The following FRMPD4 variants were observed in gnomAD, a reference collection of about 807,000 sequenced individuals.
FRMPD4 encodes FERM and PDZ domain containing 4.
Under a neutral mutation model 94.1 loss-of-function variants are expected in FRMPD4, and 22 were observed. That is an observed-to-expected ratio of 0.23 (90% CI 0.17 to 0.33). The LOEUF is 0.33. Among genes scored for constraint, FRMPD4 ranks in the 10% least tolerant of loss-of-function variants. FRMPD4 has a pLI of 1.00. For synonymous variants in FRMPD4, 631 were observed against 548.6 expected (o/e 1.15, Z -2.10); for missense variants, 1,111 against 1,339.9 (o/e 0.83, Z 2.67).
intron 11 of FRMPD4, among the ~76,000 whole-genome samples, chrX:12,706,458 T>G (rs2041876283): frequency 9.0e-6 from 1 of 111,568 alleles, no homozygotes; most frequent in Non-Finnish European, 1.9e-5. Context: ...ACACCTCACC[T>G]TTGTCCCTAA....
intron 1 of FRMPD4, among the ~76,000 whole-genome samples, chrX:12,160,955 GTTAC>G (rs1025179634): frequency 1.8e-5 from 2 of 110,576 alleles, no homozygotes; most frequent in Non-Finnish European, 3.8e-5. Context: ...CATTAATATT[GTTAC>G]TTAATTCTAC....
intron 3 of FRMPD4, among the ~76,000 whole-genome samples, chrX:12,118,863 C>T (rs1031311282): frequency 2.7e-5 from 3 of 111,775 alleles, no homozygotes; most frequent in African/African-American, 9.8e-5. Context: ...TTCTCTTCGT[C>T]TCTTTGTCTG....
chrX:12,030,267 C>T (rs1022834674), intron 3 of FRMPD4, among the ~76,000 whole-genome samples: 2 of 111,988 alleles, frequency 1.8e-5, no homozygotes, highest in African/African-American at 6.5e-5. Context: ...TTTGTTGTTC[C>T]CTTCCAGTTC....
At chrX:11,933,617 ATGCTTCCACCATCAC>A (rs2054134075) in intron 3 of FRMPD4, among the ~76,000 whole-genome samples, 2 of 112,701 alleles carry the variant, frequency 1.8e-5, no homozygotes, top group South Asian at 7.3e-4. Flanking sequence ...TTGTTTCTCA[ATGCTTCCACCATCAC>A]TTCTATTTCA....
At chrX:12,193,063 C>A (rs554111579) in intron 1 of FRMPD4, among the ~76,000 whole-genome samples, 2 of 111,547 alleles carry the variant, frequency 1.8e-5, no homozygotes, top group South Asian at 7.6e-4. Flanking sequence ...TTTAAGGCAT[C>A]GGCAAAAATT....
At chrX:12,076,661 A>G (rs1339999257) in intron 3 of FRMPD4, among the ~76,000 whole-genome samples, 1 of 110,481 alleles carries the variant, frequency 9.1e-6, no homozygotes, top group African/African-American at 3.3e-5. Context: ...TCAAAAATCC[A>G]CAATTGAAGG....
intron 2 of FRMPD4, among the ~76,000 whole-genome samples, chrX:12,505,968 G>A (rs1202487090): frequency 8.9e-5 from 10 of 111,873 alleles, no homozygotes; most frequent in South Asian, 3.8e-4. Context: ...GTGAACACTC[G>A]GATCAATCTG....
intron 1 of FRMPD4, among the ~76,000 whole-genome samples, chrX:12,313,556 C>T (rs1238867193): frequency 8.9e-6 from 1 of 112,517 alleles, no homozygotes; most frequent in African/African-American, 3.2e-5. Flanking sequence ...GAGGAATGAG[C>T]AAATGGATAA....
At chrX:11,849,026 C>T (rs987229935) in intron 1 of FRMPD4, among the ~76,000 whole-genome samples, 3 of 111,191 alleles carry the variant, frequency 2.7e-5, no homozygotes, top group Non-Finnish European at 3.8e-5. Context: ...TATCTCTGTT[C>T]ACTGGTGACA....
At chrX:12,188,932 C>T (rs1360427683) in intron 1 of FRMPD4, among the ~76,000 whole-genome samples, 1 of 111,656 alleles carries the variant, frequency 9.0e-6, no homozygotes, top group African/African-American at 3.2e-5. Context: ...TAAATAATTA[C>T]AATTAGAGCA....
intron 1 of FRMPD4, among the ~76,000 whole-genome samples, chrX:12,157,219 A>G (rs1439598838): frequency 8.9e-6 from 1 of 112,073 alleles, no homozygotes; most frequent in African/African-American, 3.2e-5. Flanking sequence ...TGCTTATTAT[A>G]GCCTATTGAA....
At chrX:12,633,591 A>G (rs933629671) in intron 4 of FRMPD4, among the ~76,000 whole-genome samples, 4 of 112,553 alleles carry the variant, frequency 3.6e-5, no homozygotes, top group African/African-American at 1.3e-4. Flanking sequence ...TAGAAAAAAT[A>G]AGAAATGAGA....
intron 1 of FRMPD4, among the ~76,000 whole-genome samples, chrX:12,454,811 C>T (rs1212594655): frequency 1.3e-4 from 9 of 70,379 alleles, no homozygotes; most frequent in African/African-American, 3.5e-4. Context: ...AGTTAGAAAG[C>T]CACGTTTTTT....
At position 11,963,630 on chromosome X, in the gene FRMPD4, T is replaced by C. The variant is rs920546292; in HGVS notation, c.95+85612T>C. Among the ~76,000 whole-genome samples the C allele has an allele frequency of 9.8e-5, 11 of 112,496 alleles. No individual in the cohort carries two copies. In the East Asian group the frequency reaches 2.8e-3, roughly 28 times the overall value. ...GTGAGATGAAACTGACAAGAACTAA[T>C]GCTTGAATATATTAATTGAAGACGA... is the stretch of plus-strand genomic sequence containing the variant. On this transcript the variant is annotated intron_variant, in intron 3 of 18. Coordinates refer to the FRMPD4 transcript ENST00000640291.
intron 2 of FRMPD4, among the ~76,000 whole-genome samples, chrX:12,586,911 G>A (rs1310622404): frequency 9.0e-6 from 1 of 111,687 alleles, no homozygotes; most frequent in Non-Finnish European, 1.9e-5. Flanking sequence ...CTCCAAAGAG[G>A]CACTGAAGAA....
In FRMPD4 at chrX:12,545,353, A is replaced by T. The variant is rs142799005; in HGVS notation, c.158+46557A>T. On this transcript the variant is annotated intron_variant, in intron 2 of 16. Coordinates refer to ENST00000675598, the MANE Select transcript of FRMPD4 (RefSeq NM_001368397.1). ...CAGTGTGACCCAAGGGAGCCAAACG[A>T]CTAGACAACCCTGTTCTAGAATGTT... 1.8e-3 allele frequency among the ~76,000 whole-genome samples: 199 copies of T among 111,929 alleles called. No homozygotes were observed. The East Asian group carries it at 0.044, about 25-fold the overall frequency.
intron 1 of FRMPD4, among the ~76,000 whole-genome samples, chrX:12,330,709 G>A (rs190369211): frequency 9.0e-6 from 1 of 111,231 alleles, no homozygotes; most frequent in South Asian, 3.8e-4. Flanking sequence ...TTTGTTTGCC[G>A]CAGTGCCCTT....
Sources: allele counts gnomAD v4.1 joint callset (sites outside exome capture counted in the v4.1 genomes callset), GRCh38; gene constraint gnomAD v4.1.1; transcripts MANE v1.5; gene names NCBI Gene and HGNC (gene_info 2026-07-23, HGNC 2026-07-21).